C2orf66: variants seen among roughly 807,000 people sequenced by gnomAD.
C2orf66 encodes the protein chromosome 2 open reading frame 66.
In C2orf66, 6 loss-of-function variants were observed where a neutral mutation model predicts 7.0. The observed-to-expected ratio is 0.86, with a 90% CI of 0.47 to 1.69. C2orf66 has a LOEUF of 1.69. Among genes scored for constraint, C2orf66 ranks in the 40% most tolerant of loss-of-function variants. C2orf66 has a pLI of 0.01. For missense variants in C2orf66, 107 were observed against 112.0 expected (o/e 0.96, Z 0.20); for synonymous variants, 38 against 43.8 (o/e 0.87, Z 0.52).
At chr2:196,820,010 C>A in the C2orf66 span, among the ~76,000 whole-genome samples, 1 of 152,238 alleles carries the variant, frequency 6.6e-6, no homozygotes, top group South Asian at 2.1e-4. Context: ...ACCACACACA[C>A]TTTTCTATTT....
the C2orf66 span, among the ~76,000 whole-genome samples, chr2:196,823,285 T>C: frequency 2.0e-5 from 3 of 152,094 alleles, no homozygotes; most frequent in Non-Finnish European, 4.4e-5. Context: ...GAGGATTTAA[T>C]AGAAATTTGG....
At chr2:196,813,376 T>G (rs1576051271), upstream of C2orf66, among the ~76,000 whole-genome samples, 1 of 152,202 alleles carries the variant, frequency 6.6e-6, no homozygotes, top group Non-Finnish European at 1.5e-5. Context: ...GCTAGCCATA[T>G]GTAGAAAGCT....
the C2orf66 span, among the ~76,000 whole-genome samples, chr2:196,825,636 C>G: frequency 6.6e-6 from 1 of 152,164 alleles, no homozygotes; most frequent in African/African-American, 2.4e-5. Context: ...TTACAAGATA[C>G]ATCCTAAACT....
At chr2:196,831,889 T>C in the C2orf66 span, 1 of 152,238 alleles carries the variant, frequency 6.6e-6, no homozygotes, top group Non-Finnish European at 1.5e-5. Context: ...TCTTCCCTTT[T>C]ATGGGCTGAC....
chr2:196,809,468 T>C (rs1699852729), upstream of C2orf66: 1 of 1,286,458 alleles, frequency 7.8e-7, no homozygotes, highest in Non-Finnish European at 1.1e-6. Context: ...AGCATACTGG[T>C]TTATCTAAGT....
At chr2:196,818,319 G>A in the C2orf66 span, among the ~76,000 whole-genome samples, 1 of 152,158 alleles carries the variant, frequency 6.6e-6, no homozygotes, top group East Asian at 1.9e-4. Context: ...GCCAAGCAAG[G>A]TTGCCATGCT....
At chr2:196,820,150 G>T in the C2orf66 span, among the ~76,000 whole-genome samples, 1 of 152,116 alleles carries the variant, frequency 6.6e-6, no homozygotes, top group Admixed American at 6.5e-5. Context: ...CACAACATAG[G>T]CCTGCTAAAG....
chr2:196,810,943 A>G (rs139170519), upstream of C2orf66, among the ~76,000 whole-genome samples: 132 of 152,402 alleles, frequency 8.7e-4, no homozygotes, highest in African/African-American at 3.0e-3. Context: ...ATAAGTGAAC[A>G]ATCATTTCTA....
At chr2:196,816,212 A>T in the C2orf66 span, among the ~76,000 whole-genome samples, 1 of 152,192 alleles carries the variant, frequency 6.6e-6, no homozygotes. Context: ...GGGGCACAAA[A>T]ATCTCCCAGA....
rs1224928969 is a variant in C2orf66, at chr2:196,804,721, T to C, written c.*707A>G. ...CTACTTTTCCTTCCTGAGGAGGTTG[T>C]GTATGAGAGCAAGGGCTCGGGCATT... On this transcript the variant is annotated 3_prime_UTR_variant, in exon 3 of 3. Coordinates refer to ENST00000342506, the MANE Select transcript of C2orf66 (RefSeq NM_213608.3). Among the ~76,000 whole-genome samples, 3 of 152,196 alleles carry C rather than the reference T, an allele frequency of 2.0e-5. No individual in the cohort carries two copies. Among genetic ancestry groups the C allele is most frequent in the African/African-American group, 7.2e-5 (3 of 41,454 alleles).
chr2:196,810,767 G>A (rs1350810620), upstream of C2orf66, among the ~76,000 whole-genome samples: 1 of 152,168 alleles, frequency 6.6e-6, no homozygotes, highest in Non-Finnish European at 1.5e-5. Flanking sequence ...CATTTCCTCT[G>A]TTTATTCATT....
the C2orf66 span, among the ~76,000 whole-genome samples, chr2:196,823,234 C>A: frequency 6.6e-6 from 1 of 151,948 alleles, no homozygotes; most frequent in African/African-American, 2.4e-5. Flanking sequence ...TAAGAAGTTG[C>A]CAAAATGAAT....
chr2:196,829,537 T>A, the C2orf66 span, among the ~76,000 whole-genome samples: 1 of 147,488 alleles, frequency 6.8e-6, no homozygotes, highest in East Asian at 2.0e-4. Flanking sequence ...TGCAGTGAGC[T>A]AACATCCTGC....
upstream of C2orf66, among the ~76,000 whole-genome samples, chr2:196,813,364 T>C (rs1699893829): frequency 6.6e-6 from 1 of 152,194 alleles, no homozygotes; most frequent in African/African-American, 2.4e-5. Flanking sequence ...CTGGGAAAAC[T>C]GGCTAGCCAT....
chr2:196,830,088 C>T, the C2orf66 span, among the ~76,000 whole-genome samples: 10 of 152,144 alleles, frequency 6.6e-5, no homozygotes, highest in Admixed American at 3.9e-4. Flanking sequence ...ATAATAAAAT[C>T]GGAACCTGTA....
At chr2:196,830,223 G>C in the C2orf66 span, among the ~76,000 whole-genome samples, 2 of 152,158 alleles carry the variant, frequency 1.3e-5, no homozygotes, top group East Asian at 3.9e-4. Context: ...AAACTTGATT[G>C]AGAATTACTT....
upstream of C2orf66, chr2:196,809,654 G>C (rs995573876): frequency 3.7e-6 from 1 of 270,550 alleles, no homozygotes; most frequent in Non-Finnish European, 6.9e-6. Flanking sequence ...AAAGTACTTT[G>C]TTGTCTCCAA....
the C2orf66 span, among the ~76,000 whole-genome samples, chr2:196,830,747 G>A: frequency 3.9e-5 from 6 of 152,150 alleles, no homozygotes; most frequent in African/African-American, 7.2e-5. Context: ...ATTTAAAGGA[G>A]CAGTTGGTTT....
At chr2:196,826,765 G>T in the C2orf66 span, among the ~76,000 whole-genome samples, 1 of 152,140 alleles carries the variant, frequency 6.6e-6, no homozygotes, top group Non-Finnish European at 1.5e-5. Context: ...AGGCGCAGTG[G>T]CTCACACCTG....
Sources: gnomAD v4.1 joint callset for allele counts (sites outside exome capture counted in the v4.1 genomes callset) on GRCh38, gnomAD v4.1.1 for gene constraint, MANE v1.5 for transcripts, NCBI Gene and HGNC (gene_info 2026-07-23, HGNC 2026-07-21) for gene names.